Variants in ADAMTSL1 observed in about 807,000 individuals in gnomAD.
ADAMTSL1 encodes ADAMTS-like protein 1.
ADAMTSL1 carries 126 observed loss-of-function variants against 201.8 expected under a neutral mutation model. That is an observed-to-expected ratio of 0.62 (90% confidence interval 0.54 to 0.72). ADAMTSL1 has a LOEUF of 0.72. ADAMTSL1 is among the 30% of genes least tolerant of loss of function. ADAMTSL1 has a pLI of 0.00. For synonymous variants in ADAMTSL1, 1,121 were observed against 903.4 expected, an observed-to-expected ratio of 1.24 and a Z score of -4.32; for missense variants, 2,679 against 2,277.8, an observed-to-expected ratio of 1.18 and a Z score of -3.59.
At chr9:18,123,331 G>T (rs138164579) in intron 1 of ADAMTSL1, among the ~76,000 whole-genome samples, 94 of 152,218 alleles carry the variant, frequency 6.2e-4, no homozygotes, top group African/African-American at 2.1e-3. Flanking sequence ...TTTATTGTTT[G>T]GGTATAATTT....
At chr9:18,312,020 G>T (rs371861951) in intron 2 of ADAMTSL1, among the ~76,000 whole-genome samples, 1 of 152,286 alleles carries the variant, frequency 6.6e-6, no homozygotes, top group East Asian at 1.9e-4. Context: ...AGCAATTAAA[G>T]TTCCAGTTCC....
chr9:18,260,974 C>T (rs545406072), intron 2 of ADAMTSL1, among the ~76,000 whole-genome samples: 1 of 146,236 alleles, frequency 6.8e-6, no homozygotes, highest in South Asian at 2.2e-4. Flanking sequence ...AGTAGAGATT[C>T]TGCTGTTCTA....
intron 7 of ADAMTSL1, among the ~76,000 whole-genome samples, chr9:18,644,232 A>G (rs966626548): frequency 2.0e-5 from 3 of 151,912 alleles, no homozygotes; most frequent in Non-Finnish European, 2.9e-5. Flanking sequence ...TTTATCCTGC[A>G]ACTTTACTGA....
In ADAMTSL1 at chr9:18,778,034, T is replaced by G. The variant is rs550613106; in HGVS notation, c.3677+128T>G. On this transcript the variant is annotated intron_variant, in intron 19 of 28. Coordinates refer to ENST00000380548, the MANE Select transcript of ADAMTSL1 (RefSeq NM_001040272.6). ...CTTAGAGCTGGCCTCGGGGACCCCA[T>G]CATGGGGTGCAGGCCCTCTCTTAGC... 16 of 1,206,234 alleles carry G rather than the reference T, an allele frequency of 1.3e-5. No homozygotes were observed. In the South Asian group the frequency reaches 1.7e-4, roughly 13 times the overall value. The allele number at this position is 1,206,234 out of a possible 1,614,324, so 74.7% of individuals were successfully genotyped here. A position where few individuals can be genotyped will look rare whatever the true frequency, so the allele number is the denominator to read the frequency against.
intron 1 of ADAMTSL1, among the ~76,000 whole-genome samples, chr9:17,908,656 C>A (rs919942369): frequency 6.6e-6 from 1 of 152,144 alleles, no homozygotes; most frequent in African/African-American, 2.4e-5. Context: ...CGGGTTTTCA[C>A]CTTGCTGGCC....
chr9:18,800,058 AG>A (rs1311902643), intron 20 of ADAMTSL1, among the ~76,000 whole-genome samples: 1 of 152,090 alleles, frequency 6.6e-6, no homozygotes, highest in Non-Finnish European at 1.5e-5. Flanking sequence ...TAACAAAGGA[AG>A]ATTTGCTCCC....
chr9:18,417,367 G>GAAAAAAAAAAAAAAAGAAA (rs80226819), intron 2 of ADAMTSL1, among the ~76,000 whole-genome samples: 1 of 64,694 alleles, frequency 1.5e-5, no homozygotes, highest in Non-Finnish European at 3.2e-5. Flanking sequence ...AAGTAAGCAG[G>GAAAAAAAAAAAAAAAGAAA]AAAAAAAAAA....
At chr9:18,309,855 A>G (rs1354506479) in intron 2 of ADAMTSL1, among the ~76,000 whole-genome samples, 5 of 152,142 alleles carry the variant, frequency 3.3e-5, no homozygotes, top group Admixed American at 3.3e-4. Flanking sequence ...TTCATATGGA[A>G]CCAAAAAAGA....
intron 2 of ADAMTSL1, among the ~76,000 whole-genome samples, chr9:18,412,866 A>G (rs79553770): frequency 0.011 from 1,698 of 152,160 alleles, 33 homozygotes; most frequent in African/African-American, 0.038. Context: ...AGAGTCAGCT[A>G]TTTCTTCAAG....
intron 2 of ADAMTSL1, among the ~76,000 whole-genome samples, chr9:18,423,636 C>T (rs1347620519): frequency 6.6e-6 from 1 of 152,120 alleles, no homozygotes; most frequent in Non-Finnish European, 1.5e-5. Context: ...AAGAAAGCAA[C>T]ATAAAAATGG....
chr9:18,535,061 G>A (rs1203387899), intron 3 of ADAMTSL1, among the ~76,000 whole-genome samples: 1 of 152,014 alleles, frequency 6.6e-6, no homozygotes, highest in Non-Finnish European at 1.5e-5. Context: ...TTTGCAGCAG[G>A]CTTGAATTTC....
chr9:17,953,292 A>G (rs1441683369), intron 1 of ADAMTSL1, among the ~76,000 whole-genome samples: 3 of 152,250 alleles, frequency 2.0e-5, no homozygotes, highest in Non-Finnish European at 4.4e-5. Context: ...CTACCCCACC[A>G]GAAATGCTAC....
chr9:18,381,690 C>T (rs186556227), intron 2 of ADAMTSL1, among the ~76,000 whole-genome samples: 3 of 151,894 alleles, frequency 2.0e-5, no homozygotes, highest in Admixed American at 6.6e-5. Flanking sequence ...TGATGAAGGG[C>T]CATGATGTTA....
chr9:18,731,532 G>A (rs1030654289), intron 15 of ADAMTSL1, among the ~76,000 whole-genome samples: 2 of 152,260 alleles, frequency 1.3e-5, no homozygotes, highest in Admixed American at 6.5e-5. Flanking sequence ...TCAAGAGACC[G>A]AGGTGGGAGG....
chr9:18,517,263 C>G (rs964493540), intron 2 of ADAMTSL1, among the ~76,000 whole-genome samples: 7 of 151,996 alleles, frequency 4.6e-5, no homozygotes, highest in Non-Finnish European at 4.4e-5. Flanking sequence ...CCACCCCTAG[C>G]CATCTTTCAG....
intron 1 of ADAMTSL1, among the ~76,000 whole-genome samples, chr9:18,065,403 A>G (rs144151364): frequency 1.2e-4 from 18 of 152,300 alleles, no homozygotes; most frequent in African/African-American, 3.9e-4. Context: ...TCAAAGTTCA[A>G]TCATTTGCAT....
intron 2 of ADAMTSL1, among the ~76,000 whole-genome samples, chr9:18,349,343 C>T (rs183772628): frequency 6.6e-6 from 1 of 152,224 alleles, no homozygotes; most frequent in African/African-American, 2.4e-5. Context: ...TTAAATGACT[C>T]CCCAGAACAC....
intron 2 of ADAMTSL1, among the ~76,000 whole-genome samples, chr9:18,459,852 T>A (rs984396347): frequency 4.6e-5 from 7 of 151,956 alleles, no homozygotes; most frequent in Admixed American, 6.6e-5. Context: ...ACAAGAATAA[T>A]GACATTACTA....
intron 2 of ADAMTSL1, among the ~76,000 whole-genome samples, chr9:18,252,462 A>G (rs1563836190): frequency 6.6e-6 from 1 of 151,994 alleles, no homozygotes; most frequent in Non-Finnish European, 1.5e-5. Flanking sequence ...ATGGTATACT[A>G]TTTGCATAAA....
Sources: allele counts gnomAD v4.1 joint callset (sites outside exome capture counted in the v4.1 genomes callset), GRCh38; gene constraint gnomAD v4.1.1; transcripts MANE v1.5; gene names NCBI Gene and HGNC (gene_info 2026-07-23, HGNC 2026-07-21).